The following RANBP2 variants were observed in gnomAD, a reference collection of about 807,000 sequenced individuals.
The protein encoded by RANBP2 is RAN binding protein 2, also known as E3 SUMO-protein ligase RanBP2.
RANBP2 carries 57 observed loss-of-function variants against 303.6 expected under a neutral mutation model. The ratio of observed to expected loss-of-function variants is 0.19; its 90% CI spans 0.15 to 0.23. The LOEUF (loss-of-function observed/expected upper bound fraction) is 0.23, where lower values mean the gene tolerates loss of function less well. Among genes scored for constraint, RANBP2 ranks in the 10% least tolerant of loss-of-function variants. The pLI is 1.00. For missense variants in RANBP2, 3,138 were observed against 3,780.8 expected, an observed-to-expected ratio of 0.83 and a Z score of 4.46; for synonymous variants, 1,167 against 1,301.5, an observed-to-expected ratio of 0.90 and a Z score of 2.23.
the RANBP2 span, among the ~76,000 whole-genome samples, chr2:109,386,417 A>T: frequency 1.7e-4 from 25 of 148,666 alleles, no homozygotes; most frequent in Admixed American, 6.8e-5. Flanking sequence ...CAAGAAGTTT[A>T]AAAAAAAAAA....
At chr2:109,440,585 A>G in the RANBP2 span, among the ~76,000 whole-genome samples, 1 of 152,248 alleles carries the variant, frequency 6.6e-6, no homozygotes, top group Non-Finnish European at 1.5e-5. Flanking sequence ...AAACAAATTT[A>G]AAAAGCCAAG....
chr2:109,255,007 T>G, the RANBP2 span, among the ~76,000 whole-genome samples: 1 of 152,214 alleles, frequency 6.6e-6, no homozygotes, highest in Non-Finnish European at 1.5e-5. Context: ...TTAGATCATT[T>G]GTATCTGGAA....
chr2:109,259,723 T>C, the RANBP2 span, among the ~76,000 whole-genome samples: 1 of 152,228 alleles, frequency 6.6e-6, no homozygotes, highest in South Asian at 2.1e-4. Flanking sequence ...GATTTGGTTC[T>C]TTTCACTTCT....
the RANBP2 span, among the ~76,000 whole-genome samples, chr2:109,281,910 A>T: frequency 1.3e-5 from 2 of 152,152 alleles, no homozygotes; most frequent in African/African-American, 2.4e-5. Flanking sequence ...AGAGATGGCC[A>T]TGTGGCAGGA....
chr2:108,821,920 C>T, the RANBP2 span, among the ~76,000 whole-genome samples: 11 of 106,272 alleles, frequency 1.0e-4, no homozygotes, highest in Non-Finnish European at 1.5e-4. Flanking sequence ...AAGAGCGAAA[C>T]TTTGTCTCAA....
downstream of RANBP2, chr2:108,786,624 T>G: frequency 1.6e-6 from 1 of 608,282 alleles, no homozygotes; most frequent in Non-Finnish European, 3.0e-6. Context: ...ACGAGGTGTG[T>G]AGTGCTAGCA....
the RANBP2 span, among the ~76,000 whole-genome samples, chr2:109,011,721 A>G: frequency 2.0e-5 from 3 of 151,954 alleles, no homozygotes; most frequent in Admixed American, 6.6e-5. Context: ...TCCCTCCTCT[A>G]CTTTCTGGGA....
the RANBP2 span, among the ~76,000 whole-genome samples, chr2:109,416,904 C>CAAAAA: frequency 3.1e-5 from 2 of 64,346 alleles, no homozygotes; most frequent in African/African-American, 9.9e-5. Flanking sequence ...GACTTCATCT[C>CAAAAA]AAAAAAAAAA....
chr2:109,426,977 TA>T, the RANBP2 span, among the ~76,000 whole-genome samples: 6 of 106,002 alleles, frequency 5.7e-5, no homozygotes, highest in East Asian at 2.4e-4. Flanking sequence ...TATATATATA[TA>T]TTTTTTTTTG....
At chr2:109,513,086 C>A in the RANBP2 span, among the ~76,000 whole-genome samples, 1 of 152,184 alleles carries the variant, frequency 6.6e-6, no homozygotes, top group East Asian at 1.9e-4. Context: ...CTTCCTGGGG[C>A]AGTTCTGAGG....
the RANBP2 span, among the ~76,000 whole-genome samples, chr2:109,332,133 G>A: frequency 1.3e-5 from 2 of 152,298 alleles, no homozygotes; most frequent in Non-Finnish European, 2.9e-5. Flanking sequence ...TGCTGGTAAA[G>A]AGCACCAGAG....
chr2:109,165,041 A>G, the RANBP2 span, among the ~76,000 whole-genome samples: 1 of 152,096 alleles, frequency 6.6e-6, no homozygotes, highest in Non-Finnish European at 1.5e-5. Flanking sequence ...TCACGGAATC[A>G]TTTTCCATCT....
chr2:109,764,240 C>T, the RANBP2 span, among the ~76,000 whole-genome samples: 2 of 149,220 alleles, frequency 1.3e-5, no homozygotes, highest in African/African-American at 4.9e-5. Context: ...TAGCTTTGTT[C>T]TGTAGAGTCT....
chr2:109,625,924 G>A, the RANBP2 span, among the ~76,000 whole-genome samples: 1 of 152,026 alleles, frequency 6.6e-6, no homozygotes, highest in African/African-American at 2.4e-5. Context: ...GGAGTGAAGT[G>A]GAGAAACTGA....
At chr2:109,292,577 C>T in the RANBP2 span, among the ~76,000 whole-genome samples, 3 of 152,222 alleles carry the variant, frequency 2.0e-5, no homozygotes, top group African/African-American at 7.2e-5. Context: ...CCCCTAGTTT[C>T]ACATTGCATT....
At chr2:109,614,760 T>C in the RANBP2 span, 1 of 1,479,082 alleles carries the variant, frequency 6.8e-7, no homozygotes, top group Non-Finnish European at 8.9e-7. Flanking sequence ...GTCCGAGCCC[T>C]CCGGGGACCC....
chr2:108,814,094 T>G, the RANBP2 span, among the ~76,000 whole-genome samples: 3 of 152,346 alleles, frequency 2.0e-5, no homozygotes, highest in East Asian at 3.9e-4. Flanking sequence ...TCATTTCTTT[T>G]GGATATATAC....
At chr2:109,703,675 C>G in the RANBP2 span, among the ~76,000 whole-genome samples, 2 of 152,086 alleles carry the variant, frequency 1.3e-5, no homozygotes, top group Non-Finnish European at 2.9e-5. Flanking sequence ...GTGATCCGCC[C>G]GCCTCGGCCT....
chr2:109,303,570 G>A, the RANBP2 span, among the ~76,000 whole-genome samples: 3 of 152,220 alleles, frequency 2.0e-5, no homozygotes, highest in South Asian at 2.1e-4. Flanking sequence ...AAACCCACCC[G>A]ATGATGCCCA....
Sources: allele counts gnomAD v4.1 joint callset (sites outside exome capture counted in the v4.1 genomes callset), GRCh38; gene constraint gnomAD v4.1.1; transcripts MANE v1.5; gene names NCBI Gene and HGNC (gene_info 2026-07-23, HGNC 2026-07-21).